The following FBXW7 variants were observed in gnomAD, a reference collection of about 807,000 sequenced individuals.
FBXW7 encodes the protein F-box and WD repeat domain containing 7, also known as F-box/WD repeat-containing protein 7.
FBXW7 carries 11 observed loss-of-function variants against 86.3 expected under a neutral mutation model. That is an observed-to-expected ratio of 0.13 (90% confidence interval 0.08 to 0.21). The LOEUF is 0.21. Ranked by LOEUF, FBXW7 falls within the 10% of genes least tolerant of loss-of-function variation. The pLI is 1.00. For synonymous variants in FBXW7, 313 were observed against 297.9 expected (o/e 1.05, Z -0.52); for missense variants, 488 against 847.4 (o/e 0.58, Z 5.27).
intron 4 of FBXW7, among the ~76,000 whole-genome samples, chr4:152,370,952 C>T (rs2126735911): frequency 6.6e-6 from 1 of 151,094 alleles, no homozygotes; most frequent in Non-Finnish European, 1.5e-5. Context: ...TAAAAAAACC[C>T]TACTTTAATA....
intron 2 of FBXW7, among the ~76,000 whole-genome samples, chr4:152,479,104 T>C (rs1744657171): frequency 6.6e-6 from 1 of 152,128 alleles, no homozygotes; most frequent in Non-Finnish European, 1.5e-5. Flanking sequence ...ATGATGATAG[T>C]GAATGTCCTT....
At position 152,516,940 on chromosome 4, in the gene FBXW7, C is replaced by T. The variant is rs150794444; in HGVS notation, c.-120+18001G>A. On this transcript the variant is annotated intron_variant, in intron 2 of 13. Transcript: ENST00000281708. ...TCCTGGGTTCAAGCAATCCTCCTGC[C>T]TCAGCCTCCCAAGTAGCTGGGACTA... Among the ~76,000 whole-genome samples, 842 of 152,288 alleles carry T rather than the reference C, an allele frequency of 5.5e-3. 5 individuals are homozygous for T. Among genetic ancestry groups the T allele is most frequent in the Admixed American group, 0.02 (313 of 15,298 alleles).
rs1385496908 is a variant in FBXW7 at position 152,321,026 on chromosome 4, TAC to T, written c.*1853_*1854del. 3.5e-5 allele frequency: 6 copies of T among 171,128 alleles called. No homozygotes were observed. Among genetic ancestry groups the T allele is most frequent in the African/African-American group, 1.4e-4 (6 of 42,096 alleles). The allele number at this position is 171,128 out of a possible 1,614,324, so 10.6% of individuals were successfully genotyped here. A position where few individuals can be genotyped will look rare whatever the true frequency, so the allele number is the denominator to read the frequency against. The stretch of plus-strand genomic sequence containing the variant: ...CATATTTATACACCCCAATGCAATC[TAC>T]AGAGATGAGCACAGTGGAGTGTCCT... On this transcript the variant is annotated 3_prime_UTR_variant, in exon 14 of 14. Coordinates refer to ENST00000281708, the MANE Select transcript of FBXW7 (RefSeq NM_001349798.2).
At chr4:152,463,363 C>A (rs1162144809) in intron 2 of FBXW7, among the ~76,000 whole-genome samples, 1 of 152,058 alleles carries the variant, frequency 6.6e-6, no homozygotes, top group Non-Finnish European at 1.5e-5. Flanking sequence ...GTTTAAACTC[C>A]ACCATTACCC....
chr4:152,513,467 A>G (rs1057245578), intron 2 of FBXW7, among the ~76,000 whole-genome samples: 7 of 152,242 alleles, frequency 4.6e-5, no homozygotes, highest in African/African-American at 1.4e-4. Flanking sequence ...GAAAAAGAAT[A>G]CATAAATTTA....
At chr4:152,352,605 C>A (rs2126662677) in intron 4 of FBXW7, 1 of 1,613,764 alleles carries the variant, frequency 6.2e-7, no homozygotes, top group African/African-American at 1.3e-5. Context: ...GTAGGTATGT[C>A]ACAGATTCTA....
chr4:152,450,689 C>T, intron 2 of FBXW7, among the ~76,000 whole-genome samples: 1 of 152,102 alleles, frequency 6.6e-6, no homozygotes, highest in East Asian at 1.9e-4. Flanking sequence ...CTGTCCATAA[C>T]AATTTGATAT....
intron 2 of FBXW7, among the ~76,000 whole-genome samples, chr4:152,516,300 G>A (rs777292592): frequency 2.0e-5 from 3 of 152,224 alleles, no homozygotes; most frequent in Non-Finnish European, 2.9e-5. Context: ...ATTATCGCCT[G>A]AGCTCCGCCT....
chr4:152,327,245 T>G (rs1047796377), intron 11 of FBXW7, among the ~76,000 whole-genome samples: 35 of 152,164 alleles, frequency 2.3e-4, no homozygotes, highest in African/African-American at 8.4e-4. Context: ...ATTTTAACAG[T>G]ATAGCACACT....
At chr4:152,387,936 CTGACCTTG>C (rs1312270457) in intron 4 of FBXW7, among the ~76,000 whole-genome samples, 3 of 152,182 alleles carry the variant, frequency 2.0e-5, no homozygotes, top group African/African-American at 7.2e-5. Flanking sequence ...TCTCGAACTC[CTGACCTTG>C]TGATCCGCCC....
At chr4:152,444,415 C>T (rs1741190661) in intron 2 of FBXW7, among the ~76,000 whole-genome samples, 1 of 152,098 alleles carries the variant, frequency 6.6e-6, no homozygotes, top group Non-Finnish European at 1.5e-5. Flanking sequence ...CATCCTTGTG[C>T]CTAAGTCTTC....
At chr4:152,534,336 G>GT (rs1427271656) in intron 2 of FBXW7, among the ~76,000 whole-genome samples, 1 of 151,838 alleles carries the variant, frequency 6.6e-6, no homozygotes, top group Non-Finnish European at 1.5e-5. Context: ...TCTTCCCCAA[G>GT]TAAGTTGTGA....
At chr4:152,526,032 G>T (rs1355287776) in intron 2 of FBXW7, among the ~76,000 whole-genome samples, 1 of 152,104 alleles carries the variant, frequency 6.6e-6, no homozygotes, top group Admixed American at 6.5e-5. Context: ...TTGTGGTTTT[G>T]ATTTGCGTTT....
rs1054150913 is a variant in FBXW7, at chr4:152,461,185, G to A, written c.-119-48656C>T. On this transcript the variant is annotated intron_variant, in intron 2 of 13. Coordinates refer to ENST00000281708, the MANE Select transcript of FBXW7 (RefSeq NM_001349798.2). ...CTGTAATCCCAGCTACTCAGGAGGC[G>A]GAGGTTGTGGTGAGCCGAGATCGCA... Among the ~76,000 whole-genome samples the A allele has an allele frequency of 8.5e-5, 13 of 152,198 alleles. No individual in the cohort carries two copies. The South Asian group carries it at 1.2e-3, about 15-fold the overall frequency.
intron 2 of FBXW7, among the ~76,000 whole-genome samples, chr4:152,505,084 T>A (rs966936900): frequency 6.6e-6 from 1 of 152,216 alleles, no homozygotes; most frequent in Non-Finnish European, 1.5e-5. Context: ...GTTACAAACC[T>A]GTACAGCATG....
intron 6 of FBXW7, among the ~76,000 whole-genome samples, chr4:152,344,010 A>T (rs1731004768): frequency 6.6e-6 from 1 of 152,170 alleles, no homozygotes; most frequent in African/African-American, 2.4e-5. Flanking sequence ...TAGGAGCAAT[A>T]GCAGAACAGT....
chr4:152,347,101 AGGATAAAAGG>A, intron 5 of FBXW7, 30 bp from the exon 6 acceptor site: 1 of 1,575,498 alleles, frequency 6.3e-7, no homozygotes, highest in Non-Finnish European at 8.6e-7. Context: ...AGAGAGAGAA[AGGATAAAAGG>A]AAAAAAACAA....
chr4:152,454,254 C>T (rs1048949376), intron 2 of FBXW7, among the ~76,000 whole-genome samples: 1 of 123,224 alleles, frequency 8.1e-6, no homozygotes, highest in East Asian at 2.7e-4. Context: ...TCTCTAAGCC[C>T]CCCCCCCCTT....
intron 2 of FBXW7, among the ~76,000 whole-genome samples, chr4:152,527,865 TACACACACACACACAC>T: frequency 7.3e-6 from 1 of 137,480 alleles, no homozygotes; most frequent in East Asian, 2.1e-4. Context: ...AAAAATTATA[TACACACACACACACAC>T]ACACACACAC....
Sources: allele counts gnomAD v4.1 joint callset (sites outside exome capture counted in the v4.1 genomes callset), GRCh38; gene constraint gnomAD v4.1.1; transcripts MANE v1.5; gene names NCBI Gene and HGNC (gene_info 2026-07-23, HGNC 2026-07-21).